The following GRID1 variants were observed in gnomAD, a reference collection of about 807,000 sequenced individuals.
The protein encoded by GRID1 is glutamate ionotropic receptor delta type subunit 1.
A neutral mutation model predicts 98.0 loss-of-function variants in GRID1; 28 were observed. The ratio of observed to expected loss-of-function variants is 0.29; its 90% CI spans 0.21 to 0.39. The LOEUF (loss-of-function observed/expected upper bound fraction) is 0.39, where lower values mean the gene tolerates loss of function less well. GRID1 is among the 10% of genes least tolerant of loss of function. The pLI, the probability that GRID1 is intolerant of heterozygous loss-of-function variation, is 1.00. For synonymous variants in GRID1, 553 were observed against 538.5 expected (o/e 1.03, Z -0.37); for missense variants, 1,111 against 1,340.5 (o/e 0.83, Z 2.67).
chr10:85,853,577 T>C (rs1843080326), intron 8 of GRID1, among the ~76,000 whole-genome samples: 1 of 152,150 alleles, frequency 6.6e-6, no homozygotes, highest in African/African-American at 2.4e-5. Context: ...AGTAGTCCCA[T>C]CTCTGGCCTC....
chr10:85,778,888 T>C (rs1404452403), intron 8 of GRID1, among the ~76,000 whole-genome samples: 4 of 152,026 alleles, frequency 2.6e-5, no homozygotes, highest in Admixed American at 1.3e-4. Context: ...TGCTTAATCA[T>C]GGAAGACCAG....
chr10:85,737,674 A>ATATG, intron 8 of GRID1, among the ~76,000 whole-genome samples: 1 of 115,170 alleles, frequency 8.7e-6, no homozygotes, highest in East Asian at 2.0e-4. Context: ...ATATATATAT[A>ATATG]AACATATATG....
chr10:85,699,316 A>T (rs79041200), intron 12 of GRID1, among the ~76,000 whole-genome samples: 10,022 of 152,098 alleles, frequency 0.066, 672 homozygotes, highest in African/African-American at 0.17. Flanking sequence ...GGCCTCCTAA[A>T]GTGTTGGGAC....
At chr10:86,338,166 T>C (rs1486553017) in intron 2 of GRID1, among the ~76,000 whole-genome samples, 1 of 152,070 alleles carries the variant, frequency 6.6e-6, no homozygotes. Context: ...CTGGTAACAC[T>C]CATTGGTTCA....
chr10:85,655,196 A>G (rs1225355649), intron 12 of GRID1, among the ~76,000 whole-genome samples: 3 of 152,192 alleles, frequency 2.0e-5, no homozygotes, highest in East Asian at 1.9e-4. Flanking sequence ...ACTCAGGTTC[A>G]TTGCCTGCCT....
chr10:86,317,687 T>TA (rs1222305080), intron 2 of GRID1, among the ~76,000 whole-genome samples: 1 of 152,120 alleles, frequency 6.6e-6, no homozygotes, highest in Non-Finnish European at 1.5e-5. Flanking sequence ...CTGACTGACT[T>TA]AAAGAGCAGG....
intron 2 of GRID1, among the ~76,000 whole-genome samples, chr10:86,348,342 C>T (rs1323572783): frequency 1.3e-5 from 2 of 152,202 alleles, no homozygotes; most frequent in Non-Finnish European, 2.9e-5. Flanking sequence ...ATGAGGCGGC[C>T]CCGGCCCGGG....
chr10:86,295,093 A>G (rs1340529817), intron 2 of GRID1, among the ~76,000 whole-genome samples: 1 of 152,186 alleles, frequency 6.6e-6, no homozygotes, highest in East Asian at 1.9e-4. Context: ...CACAGGAGCA[A>G]TGGAGAGAAA....
chr10:85,885,289 T>C (rs1841096374), intron 5 of GRID1, among the ~76,000 whole-genome samples: 1 of 152,202 alleles, frequency 6.6e-6, no homozygotes, highest in African/African-American at 2.4e-5. Context: ...TTTTATAGTG[T>C]GCACTAAGGA....
intron 4 of GRID1, among the ~76,000 whole-genome samples, chr10:86,089,281 G>A (rs1844108722): frequency 1.3e-5 from 2 of 152,144 alleles, no homozygotes; most frequent in African/African-American, 4.8e-5. Context: ...GGTCAGTGGT[G>A]GCTTCAGTAG....
intron 8 of GRID1, among the ~76,000 whole-genome samples, chr10:85,742,786 A>G (rs931102758): frequency 6.6e-6 from 1 of 152,022 alleles, no homozygotes; most frequent in Non-Finnish European, 1.5e-5. Context: ...TCTTCCTTTA[A>G]ATCTGGGCTG....
intron 4 of GRID1, among the ~76,000 whole-genome samples, chr10:86,065,570 C>A (rs1843708762): frequency 6.6e-6 from 1 of 152,240 alleles, no homozygotes; most frequent in Non-Finnish European, 1.5e-5. Context: ...CCAGTGGGAT[C>A]TTTTGGGGCA....
chr10:86,326,925 CAGG>C (rs1261524652), intron 2 of GRID1, among the ~76,000 whole-genome samples: 8 of 152,308 alleles, frequency 5.3e-5, no homozygotes, highest in East Asian at 1.9e-4. Flanking sequence ...GACCTGAGGT[CAGG>C]AGTTCGAGAC....
chr10:86,192,179 C>A lies in GRID1; in HGVS notation c.520+14185G>T, dbSNP rs1845811715. Among the ~76,000 whole-genome samples the A allele has an allele frequency of 6.6e-6, 1 of 151,840 alleles. No homozygotes were observed. The highest frequency in any genetic ancestry group is 2.1e-4 in the South Asian group (1 of 4,768). On this transcript the variant is annotated intron_variant, in intron 3 of 15. Coordinates refer to ENST00000327946, the MANE Select transcript of GRID1 (RefSeq NM_017551.3). The surrounding 1 kb of genome is among the most constrained non-coding windows in gnomAD (Gnocchi z 4.8). ...TACAATCCCATTGCAGCAACACACA[C>A]CCACAGACACCTGCGCACACACACA... is the stretch of plus-strand genomic sequence containing the variant.
intron 2 of GRID1, among the ~76,000 whole-genome samples, chr10:86,214,236 C>T (rs1198367735): frequency 6.6e-6 from 1 of 152,196 alleles, no homozygotes; most frequent in African/African-American, 2.4e-5. Context: ...CTATGCCCTG[C>T]GTTCCAGGTA....
Position 85,898,856 on chromosome 10 carries a change from AT to A in GRID1, c.780+17329del, listed in dbSNP as rs142350149. Among the ~76,000 whole-genome samples, 363 of 152,370 alleles carry A rather than the reference AT, an allele frequency of 2.4e-3. 3 individuals carry two copies. Among genetic ancestry groups the A allele is most frequent in the African/African-American group, 7.9e-3 (329 of 41,580 alleles). On this transcript the variant is annotated intron_variant, in intron 5 of 15. Transcript: ENST00000327946. ...TACACTCTAAAATAACAATAAAAAA[AT>A]ACCATAGTAAATATATAAACCAATA...
chr10:86,095,876 G>A (rs969551071), intron 4 of GRID1, among the ~76,000 whole-genome samples: 1 of 152,088 alleles, frequency 6.6e-6, no homozygotes, highest in Non-Finnish European at 1.5e-5. Context: ...CTACACAGAA[G>A]AAAAGAAGTC....
chr10:86,264,325 C>T (rs896617959), intron 2 of GRID1, among the ~76,000 whole-genome samples: 2 of 152,194 alleles, frequency 1.3e-5, no homozygotes, highest in Non-Finnish European at 2.9e-5. Flanking sequence ...TTCCTTGGCC[C>T]GGAAACTTGC....
chr10:85,644,781 C>T (rs1018170526), intron 13 of GRID1, among the ~76,000 whole-genome samples: 1 of 152,158 alleles, frequency 6.6e-6, no homozygotes, highest in Non-Finnish European at 1.5e-5. Flanking sequence ...CTGAGCACAC[C>T]CCCATCAGCA....
Sources: allele counts gnomAD v4.1 joint callset (sites outside exome capture counted in the v4.1 genomes callset), GRCh38; gene constraint gnomAD v4.1.1; non-coding constraint Gnocchi (gnomAD v3.1); transcripts MANE v1.5; gene names NCBI Gene and HGNC (gene_info 2026-07-23, HGNC 2026-07-21).